AGRN: variants seen among roughly 807,000 people sequenced by gnomAD.
The protein encoded by AGRN is agrin proteoglycan.
A neutral mutation model predicts 211.0 loss-of-function variants in AGRN; 106 were observed. That is an observed-to-expected ratio of 0.50 (90% CI 0.43 to 0.59). The LOEUF (loss-of-function observed/expected upper bound fraction) is 0.59. AGRN is among the 20% of genes least tolerant of loss of function. AGRN has a pLI of 0.00. For synonymous variants in AGRN, 1,525 were observed against 1,332.5 expected, an observed-to-expected ratio of 1.14 and a Z score of -3.15; for missense variants, 3,040 against 2,982.6, an observed-to-expected ratio of 1.02 and a Z score of -0.45.
chr1:1,024,374 C>T (rs1644473845), intron 2 of AGRN, among the ~76,000 whole-genome samples: 1 of 152,062 alleles, frequency 6.6e-6, no homozygotes, highest in Admixed American at 6.5e-5. Flanking sequence ...GAACCCCACC[C>T]TGGGCCCTCT....
Position 1,020,308 on chromosome 1 carries a change from G to T in AGRN, c.136G>T (p.Val46Leu). Residue 46 changes from valine to leucine, a missense_variant, in exon 1 of 36, where the codon GTG becomes TTG. Physicochemically the swap from Val to Leu is conservative, Grantham distance 32. Transcript: ENST00000379370. ...GCGGCGCGAGGAGGAGGCGAACGTGGTGCTCACCGGGACGGTGGAGGAGAT... is the reference window on the plus strand; with the variant it reads ...GCGGCGCGAGGAGGAGGCGAACGTGTTGCTCACCGGGACGGTGGAGGAGAT... ...LERREEEANV[V>L]LTGTVEEILN... 6.7e-7 allele frequency: 1 copy of T among 1,483,090 alleles called. No homozygotes were observed. The highest frequency in any genetic ancestry group is 9.0e-7 in the Non-Finnish European group (1 of 1,115,688). The allele number at this position is 1,483,090 out of a possible 1,614,324, so 91.9% of individuals were successfully genotyped here.
chr1:1,045,502 G>A lies in AGRN; in HGVS notation c.2515G>A (p.Asp839Asn), dbSNP rs148315419. ...CTGGAACTTTCGAGGCATCGTCACC[G>A]ATGGCCGGAGTGGCTGTACACGTGA... ...GFWNFRGIVTDGRSGCTPCSC... is the reference protein window; with the variant it reads ...GFWNFRGIVTNGRSGCTPCSC... Residue 839 changes from aspartate to asparagine, a missense_variant, in exon 14 of 36, where the codon GAT becomes AAT. Physicochemically the swap from Asp to Asn is conservative, Grantham distance 23 (BLOSUM62 1). Transcript: ENST00000379370. 123 of 1,612,930 alleles carry A rather than the reference G, an allele frequency of 7.6e-5. No homozygotes were observed. The highest frequency in any genetic ancestry group is 4.8e-4 in the African/African-American group (36 of 75,050).
At chr1:1,036,585 T>C (rs116627277) in intron 3 of AGRN, among the ~76,000 whole-genome samples, 2,445 of 152,120 alleles carry the variant, frequency 0.016, 56 homozygotes, top group African/African-American at 0.056. Context: ...GGGGCAGCGC[T>C]GGGCCTGGGG....
chr1:1,049,231 C>T lies in AGRN; in HGVS notation c.4299-5C>T, dbSNP rs762800472. ...ATGGTCCTGAGCACCTGCTCCTGCC[C>T]TCAGGTTTGACACAGGTTCGGGGCC... On this transcript the variant is annotated splice_polypyrimidine_tract_variant and splice_region_variant and intron_variant, in intron 24 of 35. Transcript: ENST00000379370. 4.4e-6 allele frequency: 7 copies of T among 1,575,606 alleles called. No individual in the cohort carries two copies. Among genetic ancestry groups the T allele is most frequent in the South Asian group, 2.3e-5 (2 of 87,588 alleles).
At chr1:1,030,317 T>C (rs1309190528) in intron 2 of AGRN, among the ~76,000 whole-genome samples, 1 of 129,332 alleles carries the variant, frequency 7.7e-6, no homozygotes, top group Non-Finnish European at 1.6e-5. Context: ...GTGTGTGCAG[T>C]GCATGGTGCT....
In AGRN at chr1:1,047,394, C is replaced by T. The variant is rs368015466; in HGVS notation, c.3456C>T (p.Pro1152=). ...GVEGQELFYT[P]EMADPKSELF... The stretch of plus-strand genomic sequence containing the variant: ...AGGGCCAGGAGCTGTTCTACACGCC[C>T]GAGATGGCTGACCCCAAGTCAGAAC... The change falls in exon 20 of 36, where the codon CCC becomes CCT. Residue 1152 remains proline (P), a synonymous_variant. Transcript: ENST00000379370. 1.1e-5 allele frequency: 18 copies of T among 1,612,364 alleles called. No individual in the cohort carries two copies. Among genetic ancestry groups the T allele is most frequent in the Admixed American group, 6.7e-5 (4 of 59,946 alleles).
chr1:1,023,566 G>A (rs944221732), intron 2 of AGRN, among the ~76,000 whole-genome samples: 3 of 152,178 alleles, frequency 2.0e-5, no homozygotes, highest in African/African-American at 7.2e-5. Flanking sequence ...ACTCAGGATA[G>A]GCTGTCAGGA....
intron 30 of AGRN, 97 bp downstream of exon 30, chr1:1,050,934 C>T (rs1218081961): frequency 3.9e-6 from 6 of 1,539,474 alleles, no homozygotes; most frequent in Non-Finnish European, 5.3e-6. Context: ...AGCTGTTTTT[C>T]TGTCCTGTTC....
intron 17 of AGRN, 23 bp from the exon 18 acceptor site, chr1:1,046,374 C>T (rs368770822): frequency 2.4e-5 from 38 of 1,607,320 alleles, no homozygotes; most frequent in African/African-American, 1.2e-4. Context: ...CCGGTCCCCC[C>T]GCCAACCTCC....
intron 2 of AGRN, chr1:1,034,983 G>T: frequency 1.8e-6 from 1 of 547,454 alleles, no homozygotes; most frequent in Non-Finnish European, 3.3e-6. Flanking sequence ...CAGGACCTGC[G>T]GTGGACTCTT....
chr1:1,053,015 G>A (rs564032346), intron 33 of AGRN: 2 of 194,302 alleles, frequency 1.0e-5, no homozygotes, highest in East Asian at 1.6e-4. Context: ...GTGTACACGT[G>A]TGTATGTGTG....
At chr1:1,023,833 G>A (rs1347634932) in intron 2 of AGRN, among the ~76,000 whole-genome samples, 2 of 152,146 alleles carry the variant, frequency 1.3e-5, no homozygotes, top group Non-Finnish European at 2.9e-5. Context: ...GCGGAGCAGA[G>A]CGCTGGGAGG....
intron 2 of AGRN, among the ~76,000 whole-genome samples, chr1:1,027,176 G>C (rs1261500208): frequency 6.6e-6 from 1 of 152,242 alleles, no homozygotes; most frequent in African/African-American, 2.4e-5. Flanking sequence ...TGGGAGAAGG[G>C]GCGTGCTGTG....
At chr1:1,054,677 C>T (rs1261555880) in intron 35 of AGRN, 126 bp downstream of exon 35, 1 of 1,482,882 alleles carries the variant, frequency 6.7e-7, no homozygotes, top group Non-Finnish European at 9.1e-7. Flanking sequence ...GGGCTCTCTT[C>T]TCCCGCTGTA....
intron 2 of AGRN, among the ~76,000 whole-genome samples, chr1:1,025,560 C>T (rs1057277144): frequency 1.3e-5 from 2 of 152,098 alleles, no homozygotes; most frequent in Non-Finnish European, 2.9e-5. Flanking sequence ...CCAACTCCTC[C>T]GCATTCCTGC....
rs551100835 is a variant in AGRN, at chr1:1,048,166, G to A, written c.3906G>A (p.Thr1302=). 5.7e-6 allele frequency: 9 copies of A among 1,579,754 alleles called. No homozygotes were observed. Among genetic ancestry groups the A allele is most frequent in the African/African-American group, 2.7e-5 (2 of 74,304 alleles). Residue 1302 remains threonine, a synonymous_variant, in exon 23 of 36, where the codon ACG becomes ACA. Coordinates refer to ENST00000379370, the MANE Select transcript of AGRN (RefSeq NM_198576.4). This position sits in a 1 kb window ranked among gnomAD's most constrained non-coding sequence, Gnocchi z 5.9. ...CAAGCCAGCCCGTTGCCAAGACCAC[G>A]GCAGCCCCCACCACACGTCGGCCCC... ...SHTSQPVAKT[T]AAPTTRRPPT...
chr1:1,034,554 C>T, intron 2 of AGRN: 1 of 986,592 alleles, frequency 1.0e-6, no homozygotes, highest in Non-Finnish European at 1.2e-6. Context: ...GAGCCCCGGG[C>T]CATGCCTCCG....
chr1:1,050,186 G>C (rs776700201), intron 27 of AGRN, 47 bp from the exon 28 acceptor site: 3 of 1,607,402 alleles, frequency 1.9e-6, no homozygotes, highest in Non-Finnish European at 2.6e-6. Flanking sequence ...ATGGGGTGCA[G>C]GAGGCCCCGG....
Position 1,048,060 on chromosome 1 carries a change from C to G in AGRN, c.3800C>G (p.Ala1267Gly), listed in dbSNP as rs760130656. 1 of 1,584,076 alleles carries G rather than the reference C, an allele frequency of 6.3e-7. No homozygotes were observed. Among genetic ancestry groups the G allele is most frequent in the Admixed American group, 1.7e-5 (1 of 58,346 alleles). ...ITGATSGAIAAGATARATTAS... is the reference protein window; with the variant it reads ...ITGATSGAIAGGATARATTAS... ...GGGGCCACGTCAGGAGCCATTGCTG[C>G]GGGAGCCACGGCCAGAGCCACCACT... The change falls in exon 23 of 36, where the codon GCG becomes GGG. Residue 1267 changes from alanine to glycine, a missense_variant. Coordinates refer to ENST00000379370, the MANE Select transcript of AGRN (RefSeq NM_198576.4). The surrounding 1 kb of genome is among the most constrained non-coding windows in gnomAD (Gnocchi z 5.9).
Sources: allele counts gnomAD v4.1 joint callset (sites outside exome capture counted in the v4.1 genomes callset), GRCh38; gene constraint gnomAD v4.1.1; non-coding constraint Gnocchi (gnomAD v3.1); transcripts MANE v1.5; gene names NCBI Gene and HGNC (gene_info 2026-07-23, HGNC 2026-07-21).